Variants in MED23 observed in about 807,000 individuals in gnomAD.
MED23 encodes mediator complex subunit 23, also known as mediator of RNA polymerase II transcription subunit 23.
A neutral mutation model predicts 163.9 loss-of-function variants in MED23; 105 were observed. The observed-to-expected ratio is 0.64, with a 90% CI of 0.55 to 0.75. The LOEUF (loss-of-function observed/expected upper bound fraction) is 0.75. Ranked by LOEUF, MED23 falls within the 30% of genes least tolerant of loss-of-function variation. The pLI is 0.00. For synonymous variants in MED23, 561 were observed against 565.6 expected (o/e 0.99, Z 0.12); for missense variants, 1,054 against 1,649.0 (o/e 0.64, Z 6.25).
At chr6:131,603,300 ATT>A in intron 15 of MED23, 96 bp from the exon 16 acceptor site, 1 of 1,206,610 alleles carries the variant, frequency 8.3e-7, no homozygotes, top group Non-Finnish European at 1.2e-6. Flanking sequence ...TAAAGATTTG[ATT>A]GTGAAAATAC....
chr6:131,596,474 A>G, intron 21 of MED23, 44 bp downstream of exon 21: 1 of 1,600,774 alleles, frequency 6.2e-7, no homozygotes, highest in Non-Finnish European at 8.6e-7. Flanking sequence ...ATACTCAAGT[A>G]TGGCTTTAAA....
At chr6:131,610,766 C>T (rs1239945329) in intron 10 of MED23, among the ~76,000 whole-genome samples, 2 of 152,090 alleles carry the variant, frequency 1.3e-5, no homozygotes, top group African/African-American at 4.8e-5. Context: ...AAATAGCTAC[C>T]AGATTATTCA....
At chr6:131,593,226 T>C (rs1414911686) in intron 23 of MED23, 55 bp from the exon 24 acceptor site, 3 of 1,605,182 alleles carry the variant, frequency 1.9e-6, no homozygotes, top group Non-Finnish European at 2.6e-6. Flanking sequence ...TGTCAATTTA[T>C]CTGATTATGA....
At chr6:131,622,495 A>G (rs1388304881) in intron 5 of MED23, among the ~76,000 whole-genome samples, 1 of 152,196 alleles carries the variant, frequency 6.6e-6, no homozygotes, top group African/African-American at 2.4e-5. Context: ...TCATTTCCAC[A>G]TATCCAATAC....
At chr6:131,600,592 T>C (rs1332504466) in intron 17 of MED23, among the ~76,000 whole-genome samples, 1 of 152,202 alleles carries the variant, frequency 6.6e-6, no homozygotes, top group Admixed American at 6.5e-5. Context: ...GTTCTTTATG[T>C]AAAACAAAAT....
At position 131,610,515 on chromosome 6, in the gene MED23, T is replaced by C. The variant is rs557433727; in HGVS notation, c.877-269A>G. ...CACTATGGACATCATTGTTTCAATT[T>C]GACAAAGGGCAATGCATAGTAGAGA... On this transcript the variant is annotated intron_variant, in intron 10 of 28. Transcript: ENST00000368068. Among the ~76,000 whole-genome samples, 18 of 152,316 alleles carry C rather than the reference T, an allele frequency of 1.2e-4. No individual in the cohort carries two copies. The South Asian group carries it at 3.5e-3, about 30-fold the overall frequency.
chr6:131,617,130 G>T lies in MED23; in HGVS notation c.781-1128C>A, dbSNP rs980550146. Among the ~76,000 whole-genome samples the T allele has an allele frequency of 2.7e-5, 4 of 149,560 alleles. No homozygotes were observed. The South Asian group carries it at 8.4e-4, about 31-fold the overall frequency. On this transcript the variant is annotated intron_variant, in intron 9 of 28. Coordinates refer to ENST00000368068, the MANE Select transcript of MED23 (RefSeq NM_004830.4). Reference sequence around the variant, plus strand: ...TATATTTATTAAATATATTAATTTAGAAGGATTTCATTTTAGTTTATTCTA... The same window carrying T: ...TATATTTATTAAATATATTAATTTATAAGGATTTCATTTTAGTTTATTCTA...
chr6:131,587,551 T>C lies in MED23; in HGVS notation c.*128A>G, dbSNP rs940383798. 15 of 1,530,776 alleles carry C rather than the reference T, an allele frequency of 9.8e-6. No individual in the cohort carries two copies. Among genetic ancestry groups the C allele is most frequent in the Non-Finnish European group, 1.2e-5 (14 of 1,138,370 alleles). The allele number at this position is 1,530,776 out of a possible 1,614,324, so 94.8% of individuals were successfully genotyped here. A position where few individuals can be genotyped will look rare whatever the true frequency, so the allele number is the denominator to read the frequency against. ...AACAGATTCATCATTTGAATCAAAA[T>C]AAAACAATCTGAATATCATCACTGC... On this transcript the variant is annotated 3_prime_UTR_variant, in exon 29 of 29. Transcript: ENST00000368068.
intron 17 of MED23, 126 bp from the exon 18 acceptor site, chr6:131,600,288 A>T: frequency 1.1e-6 from 1 of 921,986 alleles, no homozygotes; most frequent in Non-Finnish European, 1.7e-6. Context: ...CTGCTTAACT[A>T]GTTATATTCA....
chr6:131,626,195 C>T (rs533647802), intron 3 of MED23, among the ~76,000 whole-genome samples: 127 of 151,012 alleles, frequency 8.4e-4, no homozygotes, highest in African/African-American at 3.0e-3. Context: ...CTAGTATAAC[C>T]CTTATGGAAA....
intron 30 of MED23, chr6:131,576,562 G>A: frequency 8.7e-7 from 1 of 1,149,480 alleles, no homozygotes; most frequent in Non-Finnish European, 1.3e-6. Flanking sequence ...CTCAAAAAAT[G>A]ATAGTTACAG....
At chr6:131,579,553 C>T (rs1017737323) in intron 30 of MED23, 4 of 321,322 alleles carry the variant, frequency 1.2e-5, no homozygotes, top group African/African-American at 8.6e-5. Flanking sequence ...TCATCACAAG[C>T]TTACATTTCT....
chr6:131,583,956 A>C (rs1394888884), downstream of MED23: 1 of 1,592,686 alleles, frequency 6.3e-7, no homozygotes, highest in South Asian at 1.1e-5. Flanking sequence ...CATAATTAGA[A>C]AGCTAATCAT....
Position 131,596,511 on chromosome 6 carries a change from C to T in MED23, c.2778+7G>A. On this transcript the variant is annotated splice_region_variant and intron_variant, in intron 21 of 28. Coordinates refer to ENST00000368068, the MANE Select transcript of MED23 (RefSeq NM_004830.4). The stretch of plus-strand genomic sequence containing the variant: ...GGACTATTTGAAATACCAATTAGGA[C>T]TAGTACCTTGTGATAATTCATGTGC... 6.2e-7 allele frequency: 1 copy of T among 1,614,044 alleles called. No individual in the cohort carries two copies.
At chr6:131,578,985 C>T (rs147240575) in intron 30 of MED23, 36 of 1,096,506 alleles carry the variant, frequency 3.3e-5, no homozygotes, top group Non-Finnish European at 4.7e-5. Flanking sequence ...GATTTACAGA[C>T]CTTTCAGGTT....
Position 131,596,748 on chromosome 6 carries a change from C to T in MED23, c.2608-60G>A. On this transcript the variant is annotated intron_variant, in intron 20 of 28. Coordinates refer to ENST00000368068, the MANE Select transcript of MED23 (RefSeq NM_004830.4). The stretch of plus-strand genomic sequence containing the variant: ...TTCAACCTGTGTAAAATCATGAGGG[C>T]CATCTGAAAGCCTAGATTTTAACAA... 4 of 1,476,384 alleles carry T rather than the reference C, an allele frequency of 2.7e-6. No individual in the cohort carries two copies. In the Admixed American group the frequency reaches 6.8e-5, roughly 25 times the overall value. The allele number at this position is 1,476,384 out of a possible 1,614,324, so 91.5% of individuals were successfully genotyped here. A position where few individuals can be genotyped will look rare whatever the true frequency, so the allele number is the denominator to read the frequency against.
chr6:131,598,246 T>G lies in MED23; in HGVS notation c.2607+41A>C. ...GCATAACATATATTAGTCATACATC[T>G]TGATCTAAGAGAATAAGCTTAGAAA... On this transcript the variant is annotated intron_variant, in intron 20 of 28. Coordinates refer to ENST00000368068, the MANE Select transcript of MED23 (RefSeq NM_004830.4). This position sits in a 1 kb window ranked among gnomAD's most constrained non-coding sequence, Gnocchi z 4.7. 1 of 1,566,690 alleles carries G rather than the reference T, an allele frequency of 6.4e-7. No individual in the cohort carries two copies. Among genetic ancestry groups the G allele is most frequent in the East Asian group, 2.2e-5 (1 of 44,612 alleles).
chr6:131,596,437 G>C, intron 21 of MED23, 81 bp downstream of exon 21: 3 of 1,494,176 alleles, frequency 2.0e-6, no homozygotes, highest in Non-Finnish European at 2.8e-6. Context: ...TAGAACCAGA[G>C]AGAAAACGGC....
intron 13 of MED23, among the ~76,000 whole-genome samples, chr6:131,606,020 T>G (rs1011921832): frequency 2.0e-5 from 3 of 152,180 alleles, no homozygotes; most frequent in Non-Finnish European, 4.4e-5. Context: ...CTAAGAATGG[T>G]ATCTTCATTG....
Sources: allele counts gnomAD v4.1 joint callset (sites outside exome capture counted in the v4.1 genomes callset), GRCh38; gene constraint gnomAD v4.1.1; non-coding constraint Gnocchi (gnomAD v3.1); transcripts MANE v1.5; gene names NCBI Gene and HGNC (gene_info 2026-07-23, HGNC 2026-07-21).